SEPHS1: variants seen among roughly 807,000 people sequenced by gnomAD.
SEPHS1 encodes selenophosphate synthetase 1.
In SEPHS1, 7 loss-of-function variants were observed where a neutral mutation model predicts 39.2. The observed-to-expected ratio is 0.18, with a 90% CI of 0.10 to 0.34. The LOEUF is 0.34. SEPHS1 is among the 10% of genes least tolerant of loss of function. The probability of loss-of-function intolerance (pLI) is 1.00; values close to 1 mark genes in which losing one functional copy is unlikely to be tolerated. For missense variants in SEPHS1, 253 were observed against 514.5 expected (o/e 0.49, Z 4.92); for synonymous variants, 190 against 195.5 (o/e 0.97, Z 0.23).
At chr10:13,321,156 G>C (rs934652496) in intron 8 of SEPHS1, among the ~76,000 whole-genome samples, 2 of 152,246 alleles carry the variant, frequency 1.3e-5, no homozygotes, top group Middle Eastern at 3.4e-3. Flanking sequence ...GCCTACTACG[G>C]AATCTCCCAG....
intron 6 of SEPHS1, among the ~76,000 whole-genome samples, chr10:13,328,899 G>T (rs1833384056): frequency 6.6e-6 from 1 of 152,198 alleles, no homozygotes; most frequent in Admixed American, 6.5e-5. Context: ...CCCATCACAG[G>T]GGGAGGAGGG....
chr10:13,331,196 G>C (rs540419152), intron 5 of SEPHS1, among the ~76,000 whole-genome samples: 1 of 152,102 alleles, frequency 6.6e-6, no homozygotes, highest in African/African-American at 2.4e-5. Context: ...AGTATTCCAC[G>C]GTGTGTATGT....
intron 1 of SEPHS1, among the ~76,000 whole-genome samples, chr10:13,347,548 A>AGGACGCCG (rs1423660010): frequency 1.4e-5 from 2 of 145,908 alleles, no homozygotes; most frequent in African/African-American, 5.0e-5. Context: ...GGAGCCGGGG[A>AGGACGCCG]GGACGCCGGG....
chr10:13,319,102 T>C lies in SEPHS1; in HGVS notation c.*40A>G, dbSNP rs1833025475. On this transcript the variant is annotated 3_prime_UTR_variant, in exon 9 of 9. Transcript: ENST00000327347. Reference sequence around the variant, plus strand: ...TAATTGAAGTGATAAGGGAAATAGATCTATTTAAAAACAAAACCAAACAGC... The same window carrying C: ...TAATTGAAGTGATAAGGGAAATAGACCTATTTAAAAACAAAACCAAACAGC... The C allele has an allele frequency of 7.6e-6, 12 of 1,574,936 alleles. No individual in the cohort carries two copies. Among genetic ancestry groups the C allele is most frequent in the Non-Finnish European group, 9.6e-6 (11 of 1,148,408 alleles).
intron 2 of SEPHS1, among the ~76,000 whole-genome samples, chr10:13,341,370 TG>T (rs1228358745): frequency 6.6e-6 from 1 of 152,130 alleles, no homozygotes; most frequent in Non-Finnish European, 1.5e-5. Flanking sequence ...GCAAACTTGC[TG>T]GAAGGTTTTC....
chr10:13,324,919 C>T (rs1588534308), intron 7 of SEPHS1, among the ~76,000 whole-genome samples: 1 of 152,354 alleles, frequency 6.6e-6, no homozygotes, highest in South Asian at 2.1e-4. Flanking sequence ...TGACGTACCA[C>T]ACTGAAGGTT....
chr10:13,339,945 T>C (rs1271179441), intron 2 of SEPHS1, among the ~76,000 whole-genome samples: 1 of 152,200 alleles, frequency 6.6e-6, no homozygotes, highest in Non-Finnish European at 1.5e-5. Flanking sequence ...CAGAGGGGGA[T>C]GCTGTACTTC....
At chr10:13,335,308 C>A (rs1463398277) in intron 4 of SEPHS1, among the ~76,000 whole-genome samples, 1 of 152,208 alleles carries the variant, frequency 6.6e-6, no homozygotes, top group East Asian at 1.9e-4. Flanking sequence ...CCACGTGTCC[C>A]ACATCTGTAA....
intron 5 of SEPHS1, among the ~76,000 whole-genome samples, chr10:13,331,051 T>C (rs1833452204): frequency 6.6e-6 from 1 of 152,172 alleles, no homozygotes; most frequent in Non-Finnish European, 1.5e-5. Flanking sequence ...GTTCTCATTG[T>C]TCAACTCCCA....
Position 13,338,694 on chromosome 10 carries a change from C to T in SEPHS1, c.297+11G>A, listed in dbSNP as rs1157215043. ...CCTTCCAGTCACAAAAACACATCGGCTCACGCTTACCATCATGTAAGGGTC... is the reference window on the plus strand; with the variant it reads ...CCTTCCAGTCACAAAAACACATCGGTTCACGCTTACCATCATGTAAGGGTC... On this transcript the variant is annotated intron_variant, in intron 3 of 8. Coordinates refer to ENST00000327347, the MANE Select transcript of SEPHS1 (RefSeq NM_012247.5). 6.2e-7 allele frequency: 1 copy of T among 1,606,052 alleles called. No individual in the cohort carries two copies.
At chr10:13,347,104 CAT>C (rs1195134598) in intron 1 of SEPHS1, among the ~76,000 whole-genome samples, 3 of 152,194 alleles carry the variant, frequency 2.0e-5, no homozygotes, top group African/African-American at 4.8e-5. Flanking sequence ...CCCGCAGCCA[CAT>C]GTTTACGCCT....
At chr10:13,342,388 C>T (rs1442121040) in intron 2 of SEPHS1, among the ~76,000 whole-genome samples, 2 of 151,326 alleles carry the variant, frequency 1.3e-5, no homozygotes, top group Admixed American at 1.3e-4. Context: ...TGAGACCAGC[C>T]TGGCCAACAC....
At chr10:13,330,824 G>A (rs976249557) in intron 5 of SEPHS1, among the ~76,000 whole-genome samples, 4 of 126,290 alleles carry the variant, frequency 3.2e-5, no homozygotes, top group African/African-American at 1.0e-4. Flanking sequence ...TAAAGTTGAT[G>A]TTCTTTTTTT....
chr10:13,342,059 C>A (rs1833803439), intron 2 of SEPHS1, among the ~76,000 whole-genome samples: 3 of 144,980 alleles, frequency 2.1e-5, no homozygotes, highest in African/African-American at 7.7e-5. Flanking sequence ...GCAGGCGGAT[C>A]ACGAGGTCAG....
At chr10:13,335,406 C>A (rs1195437576) in intron 4 of SEPHS1, among the ~76,000 whole-genome samples, 3 of 152,190 alleles carry the variant, frequency 2.0e-5, no homozygotes, top group African/African-American at 7.2e-5. Context: ...TGGCTCATGC[C>A]TATAATCCCA....
chr10:13,330,611 CCTCAGGTA>C (rs1833433022), intron 5 of SEPHS1, among the ~76,000 whole-genome samples: 1 of 152,132 alleles, frequency 6.6e-6, no homozygotes, highest in Non-Finnish European at 1.5e-5. Context: ...ATGCTGGCCT[CCTCAGGTA>C]CTCACCCAAG....
chr10:13,320,088 T>C (rs1833057901), intron 8 of SEPHS1, among the ~76,000 whole-genome samples: 1 of 152,232 alleles, frequency 6.6e-6, no homozygotes, highest in Admixed American at 6.5e-5. Context: ...CCAAAGTATC[T>C]AGGTTCCAGT....
At chr10:13,343,983 T>C (rs1833862686) in intron 2 of SEPHS1, among the ~76,000 whole-genome samples, 1 of 152,190 alleles carries the variant, frequency 6.6e-6, no homozygotes, top group African/African-American at 2.4e-5. Context: ...AATTTGTTTC[T>C]AAGCTCTGTG....
chr10:13,334,972 C>T (rs1400795082), intron 4 of SEPHS1, among the ~76,000 whole-genome samples: 1 of 152,154 alleles, frequency 6.6e-6, no homozygotes, highest in African/African-American at 2.4e-5. Flanking sequence ...TGGCTGCAGG[C>T]TACGAGTAAC....
Sources: gnomAD v4.1 joint callset for allele counts (sites outside exome capture counted in the v4.1 genomes callset) on GRCh38, gnomAD v4.1.1 for gene constraint, MANE v1.5 for transcripts, NCBI Gene and HGNC (gene_info 2026-07-23, HGNC 2026-07-21) for gene names.